Variants in GGPS1 observed in about 807,000 individuals in gnomAD.
GGPS1 encodes geranylgeranyl diphosphate synthase 1.
In GGPS1, 15 loss-of-function variants were observed where a neutral mutation model predicts 28.1. The observed-to-expected ratio is 0.53, with a 90% CI of 0.36 to 0.82. GGPS1 has a LOEUF of 0.82. Ranked by LOEUF, GGPS1 falls within the 40% of genes least tolerant of loss-of-function variation. The pLI, the probability that GGPS1 is intolerant of heterozygous loss-of-function variation, is 0.01. For synonymous variants in GGPS1, 138 were observed against 122.4 expected, an observed-to-expected ratio of 1.13 and a Z score of -0.84; for missense variants, 284 against 348.3, an observed-to-expected ratio of 0.82 and a Z score of 1.47.
In GGPS1 at chr1:235,331,545, T is replaced by C. The variant is rs1572266846; in HGVS notation, c.-24+2767T>C. ...GAGGTACGTGTAAACATTCAGGGAC[T>C]ATATGATCTCTGAGAATTTGTATGT... On this transcript the variant is annotated intron_variant, in intron 1 of 3. Transcript: ENST00000282841. Among the ~76,000 whole-genome samples the C allele has an allele frequency of 2.0e-5, 3 of 152,240 alleles. No homozygotes were observed. In the Middle Eastern group the frequency reaches 0.01, roughly 518 times the overall value.
At chr1:235,336,495 C>T (rs1236066862) in intron 2 of GGPS1, among the ~76,000 whole-genome samples, 1 of 152,102 alleles carries the variant, frequency 6.6e-6, no homozygotes, top group Non-Finnish European at 1.5e-5. Context: ...AATATTCTTT[C>T]TCATAGACAT....
intron 1 of GGPS1, among the ~76,000 whole-genome samples, chr1:235,331,565 G>A (rs1675716814): frequency 6.6e-6 from 1 of 151,102 alleles, no homozygotes; most frequent in Non-Finnish European, 1.5e-5. Context: ...CTGAGAATTT[G>A]TATGTTGTAA....
At chr1:235,340,042 G>A (rs564584937) in intron 2 of GGPS1, among the ~76,000 whole-genome samples, 18 of 152,244 alleles carry the variant, frequency 1.2e-4, no homozygotes, top group African/African-American at 4.3e-4. Flanking sequence ...TGAGGCAGGA[G>A]AATAGCTTGA....
chr1:235,338,651 C>G (rs540030811), intron 2 of GGPS1, among the ~76,000 whole-genome samples: 1 of 152,008 alleles, frequency 6.6e-6, no homozygotes, highest in South Asian at 2.1e-4. Flanking sequence ...GGACAGATTG[C>G]TTTTGAGCCC....
At chr1:235,336,753 A>G (rs1675882100) in intron 2 of GGPS1, 3 of 152,292 alleles carry the variant, frequency 2.0e-5, no homozygotes, top group Admixed American at 6.5e-5. Context: ...CTCAATAGAC[A>G]CTTTTAAATT....
At chr1:235,327,991 TC>T (rs1252275094), upstream of GGPS1, 1 of 150,888 alleles carries the variant, frequency 6.6e-6, no homozygotes, top group Non-Finnish European at 1.5e-5. Context: ...CGACGAAAAA[TC>T]CCCCCCGGAC....
In GGPS1 at chr1:235,342,629, G is replaced by T. The variant is rs1022872595; in HGVS notation, c.760G>T (p.Val254Leu). The change falls in exon 4 of 4, where the codon GTA becomes TTA. Residue 254 changes from valine (V) to leucine (L), a missense_variant. Val to Leu is a conservative substitution (Grantham distance 32). Transcript: ENST00000282841. ...KKYCVHYLED[V>L]GSFEYTRNTL... ...ATACTGTGTACATTATCTTGAGGATGTAGGTTCTTTTGAATACACTCGTAA... is the reference window on the plus strand; with the variant it reads ...ATACTGTGTACATTATCTTGAGGATTTAGGTTCTTTTGAATACACTCGTAA... 1 of 1,612,148 alleles carries T rather than the reference G, an allele frequency of 6.2e-7. No individual in the cohort carries two copies. Among genetic ancestry groups the T allele is most frequent in the Non-Finnish European group, 8.5e-7 (1 of 1,178,132 alleles).
intron 1 of GGPS1, chr1:235,330,579 C>T (rs962550691): frequency 2.0e-5 from 3 of 149,450 alleles, no homozygotes; most frequent in Non-Finnish European, 4.4e-5. Flanking sequence ...TGTAAATATC[C>T]TCTGGGACAG....
Position 235,334,949 on chromosome 1 carries a change from TC to T in GGPS1, c.-23-291del, listed in dbSNP as rs568660091. ...GATGGTGTGAAGGCTGGTCTCGAAC[TC>T]CTGACCTCATGATCTACCCACCTCA... On this transcript the variant is annotated intron_variant, in intron 1 of 3. Transcript: ENST00000282841. 1.2e-4 allele frequency among the ~76,000 whole-genome samples: 19 copies of T among 152,208 alleles called. 1 individual carries two copies. In the South Asian group the frequency reaches 3.9e-3, roughly 32 times the overall value.
At chr1:235,331,900 G>A (rs571614886) in intron 1 of GGPS1, among the ~76,000 whole-genome samples, 1 of 152,298 alleles carries the variant, frequency 6.6e-6, no homozygotes, top group Non-Finnish European at 1.5e-5. Context: ...CAGAGACAAT[G>A]TGGTTCAAAC....
rs1226779447 is a variant in GGPS1, at chr1:235,342,273, A to G, written c.404A>G (p.Asn135Ser). 2.5e-6 allele frequency: 4 copies of G among 1,614,180 alleles called. No individual in the cohort carries two copies. The South Asian group carries it at 4.4e-5, about 18-fold the overall frequency. ...GQGLDIYWRD[N>S]YTCPTEEEYK... is the part of the protein sequence containing the mutation. ...GGCCTAGATATTTACTGGAGGGATA[A>G]TTACACTTGTCCCACTGAAGAAGAA... The change falls in exon 4 of 4, where the codon AAT (asparagine) becomes AGT (serine). Residue 135 changes from asparagine to serine, a missense_variant. Transcript: ENST00000282841.
upstream of GGPS1, chr1:235,327,327 C>T (rs1417815876): frequency 6.5e-6 from 1 of 154,402 alleles, no homozygotes; most frequent in Non-Finnish European, 1.4e-5. Flanking sequence ...AATCCGCGCC[C>T]CCACGCGCCG....
chr1:235,329,680 C>T (rs1675630480), intron 1 of GGPS1: 1 of 152,220 alleles, frequency 6.6e-6, no homozygotes, highest in African/African-American at 2.4e-5. Flanking sequence ...AGTGTCGAAC[C>T]TTTTAGGCTT....
chr1:235,339,928 G>C (rs1675981584), intron 2 of GGPS1, among the ~76,000 whole-genome samples: 1 of 151,898 alleles, frequency 6.6e-6, no homozygotes, highest in Admixed American at 6.6e-5. Flanking sequence ...TCATTCCTTT[G>C]TATGTGACTA....
In GGPS1 at chr1:235,343,892, A is replaced by C. The variant is rs945208916; in HGVS notation, c.*1120A>C. 2 of 166,946 alleles carry C rather than the reference A, an allele frequency of 1.2e-5. No homozygotes were observed. The highest frequency in any genetic ancestry group is 1.5e-5 in the Non-Finnish European group (1 of 68,108). The allele number at this position is 166,946 out of a possible 1,614,324, so 10.3% of individuals were successfully genotyped here. On this transcript the variant is annotated 3_prime_UTR_variant, in exon 4 of 4. Transcript: ENST00000282841. Reference sequence around the variant, plus strand: ...TCTTACCTTAAGTACAAAAGCATGGAAAAATGCGCTTTTCCTTCCCGCCCA... The same window carrying C: ...TCTTACCTTAAGTACAAAAGCATGGCAAAATGCGCTTTTCCTTCCCGCCCA...
chr1:235,335,038 C>T (rs932800071), intron 1 of GGPS1, among the ~76,000 whole-genome samples: 1 of 152,176 alleles, frequency 6.6e-6, no homozygotes, highest in Non-Finnish European at 1.5e-5. Context: ...TGGTCTCGAA[C>T]TCCTGGGCTT....
chr1:235,330,559 A>G (rs1675681062), intron 1 of GGPS1: 1 of 152,144 alleles, frequency 6.6e-6, no homozygotes, highest in African/African-American at 2.4e-5. Context: ...TACCACTGAA[A>G]ATGCTTGTAT....
chr1:235,329,847 G>C (rs1362312135), intron 1 of GGPS1: 1 of 152,254 alleles, frequency 6.6e-6, no homozygotes, highest in Non-Finnish European at 1.5e-5. Flanking sequence ...CAGGGAACCC[G>C]ACGAGGAGGC....
intron 2 of GGPS1, among the ~76,000 whole-genome samples, chr1:235,335,905 A>G (rs1675848505): frequency 6.6e-6 from 1 of 152,230 alleles, no homozygotes; most frequent in Non-Finnish European, 1.5e-5. Flanking sequence ...CTATGTCTGT[A>G]TTTTCCAGTA....
Sources: gnomAD v4.1 joint callset for allele counts (sites outside exome capture counted in the v4.1 genomes callset) on GRCh38, gnomAD v4.1.1 for gene constraint, MANE v1.5 for transcripts, NCBI Gene and HGNC (gene_info 2026-07-23, HGNC 2026-07-21) for gene names.